The following SLC25A37 variants were observed in gnomAD, a reference collection of about 807,000 sequenced individuals.
SLC25A37 encodes the protein mitoferrin-1.
A neutral mutation model predicts 31.0 loss-of-function variants in SLC25A37; 17 were observed. The ratio of observed to expected loss-of-function variants is 0.55; its 90% CI spans 0.38 to 0.82. The LOEUF is 0.82. Among genes scored for constraint, SLC25A37 ranks in the 40% least tolerant of loss-of-function variants. SLC25A37 has a pLI of 0.00. For missense variants in SLC25A37, 404 were observed against 465.8 expected (o/e 0.87, Z 1.22); for synonymous variants, 222 against 193.0 (o/e 1.15, Z -1.24).
intron 1 of SLC25A37, among the ~76,000 whole-genome samples, chr8:23,562,761 A>G (rs1296745388): frequency 6.6e-6 from 1 of 152,144 alleles, no homozygotes; most frequent in African/African-American, 2.4e-5. Context: ...GGAAACTCAA[A>G]CTTAGAAAGT....
At chr8:23,552,505 T>G (rs757558418) in intron 1 of SLC25A37, among the ~76,000 whole-genome samples, 1 of 152,190 alleles carries the variant, frequency 6.6e-6, no homozygotes, top group African/African-American at 2.4e-5. Context: ...GTTGAGTGAC[T>G]GGATGAGCTT....
chr8:23,541,510 T>G (rs1323117207), intron 1 of SLC25A37: 2 of 152,270 alleles, frequency 1.3e-5, no homozygotes, highest in Non-Finnish European at 2.9e-5. Flanking sequence ...ACAAGTGCCT[T>G]TGTCTCAGGG....
chr8:23,571,360 C>T lies in SLC25A37; in HGVS notation c.522C>T (p.Tyr174=), dbSNP rs370830249. The change falls in exon 4 of 4, where the codon TAC becomes TAT. Residue 174 remains tyrosine, a synonymous_variant. Coordinates refer to ENST00000519973, the MANE Select transcript of SLC25A37 (RefSeq NM_016612.4). ...AEVVKQRLQM[Y]NSQHRSAISC... ...TGGTGAAGCAGCGCTTGCAGATGTA[C>T]AACTCGCAGCACCGGTCAGCAATCA... The T allele has an allele frequency of 6.2e-6, 10 of 1,600,606 alleles. No individual in the cohort carries two copies. Among genetic ancestry groups the T allele is most frequent in the Non-Finnish European group, 7.7e-6 (9 of 1,173,172 alleles).
intron 1 of SLC25A37, among the ~76,000 whole-genome samples, chr8:23,546,516 TATATATATATA>T (rs1166391997): frequency 7.9e-5 from 6 of 76,078 alleles, no homozygotes; most frequent in Non-Finnish European, 1.1e-4. Flanking sequence ...TATATAGGTA[TATATATATATA>T]GGTGTATATA....
intron 1 of SLC25A37, among the ~76,000 whole-genome samples, chr8:23,556,480 C>T (rs1246705305): frequency 6.6e-6 from 1 of 151,998 alleles, no homozygotes; most frequent in East Asian, 1.9e-4. Context: ...CCTGCCTTGG[C>T]CTTCCAAAGT....
Position 23,571,639 on chromosome 8 carries a change from C to A in SLC25A37, c.801C>A (p.Asn267Lys), listed in dbSNP as rs375896705. Residue 267 changes from asparagine to lysine, a missense_variant, in exon 4 of 4, where the codon AAC (asparagine) becomes AAA (lysine). Asn to Lys is a moderately conservative substitution (Grantham distance 94, BLOSUM62 0). Around this residue, in one of 3 missense-constraint regions of SLC25A37, gnomAD observed 243 missense variants for 284.4 expected, o/e 0.85. Coordinates refer to ENST00000519973, the MANE Select transcript of SLC25A37 (RefSeq NM_016612.4). Reference sequence around the variant, plus strand: ...AGACCCTTCTGAACACTCAGGAGAACGTGGCCCTCTCGCTGGCCAACATCA... The same window carrying A: ...AGACCCTTCTGAACACTCAGGAGAAAGTGGCCCTCTCGCTGGCCAACATCA... ...VCKTLLNTQE[N>K]VALSLANISG... 5.3e-5 allele frequency: 86 copies of A among 1,613,910 alleles called. No individual in the cohort carries two copies. In the African/African-American group the frequency reaches 1.1e-3, roughly 20 times the overall value.
intron 1 of SLC25A37, among the ~76,000 whole-genome samples, chr8:23,538,058 GA>G (rs34577086): frequency 0.26 from 37,659 of 146,888 alleles, 5,168 homozygotes; most frequent in East Asian, 0.51. Flanking sequence ...TAAAAAAGAT[GA>G]AAAAAAAAAA....
intron 1 of SLC25A37, among the ~76,000 whole-genome samples, chr8:23,564,473 GGGGGAGGGAGGGAGTC>G (rs1169369055): frequency 2.0e-5 from 3 of 150,898 alleles, no homozygotes; most frequent in South Asian, 2.1e-4. Context: ...GGGGGGGAGT[GGGGGAGGGAGGGAGTC>G]GGGGAGGGAG....
At chr8:23,556,808 TGCGAC>T (rs1315380895) in intron 1 of SLC25A37, among the ~76,000 whole-genome samples, 1 of 152,146 alleles carries the variant, frequency 6.6e-6, no homozygotes, top group Non-Finnish European at 1.5e-5. Context: ...TGCTCTTGCC[TGCGAC>T]GTGTGGGAAT....
At chr8:23,546,565 TATATATATATATATATA>T (rs1802062317) in intron 1 of SLC25A37, among the ~76,000 whole-genome samples, 1 of 97,406 alleles carries the variant, frequency 1.0e-5, no homozygotes, top group Non-Finnish European at 1.7e-5. Context: ...TGTATATATA[TATATATATATATATATA>T]GTGTATATAT....
intron 1 of SLC25A37, among the ~76,000 whole-genome samples, chr8:23,542,098 G>T (rs112385076): frequency 6.6e-6 from 1 of 152,124 alleles, no homozygotes; most frequent in African/African-American, 2.4e-5. Flanking sequence ...ACCACATAAC[G>T]ATGTTTCGGT....
intron 1 of SLC25A37, chr8:23,541,348 G>T (rs1801889183): frequency 6.6e-6 from 1 of 152,322 alleles, no homozygotes; most frequent in South Asian, 2.1e-4. Context: ...GTCTGGGGAC[G>T]CTGTGAGGAG....
intron 1 of SLC25A37, among the ~76,000 whole-genome samples, chr8:23,551,588 A>G (rs546793565): frequency 6.6e-6 from 1 of 152,162 alleles, no homozygotes; most frequent in African/African-American, 2.4e-5. Context: ...AAAGGAAAAA[A>G]AAAAAAGCAG....
chr8:23,551,820 T>A (rs1797497792), intron 1 of SLC25A37, among the ~76,000 whole-genome samples: 1 of 152,118 alleles, frequency 6.6e-6, no homozygotes, highest in Admixed American at 6.5e-5. Flanking sequence ...CCTTCCAGCT[T>A]TGAGGTCCTG....
intron 1 of SLC25A37, among the ~76,000 whole-genome samples, chr8:23,541,129 C>G (rs927189369): frequency 3.3e-5 from 5 of 151,998 alleles, no homozygotes; most frequent in African/African-American, 7.3e-5. Flanking sequence ...TGAGGAAGAG[C>G]CAGTGCTGCT....
At chr8:23,566,813 G>A in intron 2 of SLC25A37, 1 of 986,278 alleles carries the variant, frequency 1.0e-6, no homozygotes, top group Non-Finnish European at 1.2e-6. Flanking sequence ...AGCTTTAAAA[G>A]GTCAAGAAGT....
At chr8:23,553,343 C>G (rs1228713416) in intron 1 of SLC25A37, among the ~76,000 whole-genome samples, 2 of 152,102 alleles carry the variant, frequency 1.3e-5, no homozygotes, top group East Asian at 3.9e-4. Flanking sequence ...ATGGCTTGAA[C>G]CCGGGGGCTG....
chr8:23,570,102 G>A (rs1802780258), intron 3 of SLC25A37, among the ~76,000 whole-genome samples: 1 of 152,122 alleles, frequency 6.6e-6, no homozygotes. Flanking sequence ...GGGAGTCTCT[G>A]TGGTCTGGGT....
Position 23,546,602 on chromosome 8 carries a change from ATG to A in SLC25A37, c.210+17408_210+17409del, listed in dbSNP as rs60598421. Among the ~76,000 whole-genome samples the A allele has an allele frequency of 2.7e-3, 154 of 57,910 alleles. 8 individuals carry two copies. The East Asian group carries it at 0.042, about 16-fold the overall frequency. 38.0% of individuals were successfully genotyped at this position (57,910 alleles called of 152,430 possible). A position where few individuals can be genotyped will look rare whatever the true frequency, so the allele number is the denominator to read the frequency against. ...TATATAGTGTATATATATATAGTGT[ATG>A]TGTGTGTGTGTGTGTGTATATATAT... On this transcript the variant is annotated intron_variant, in intron 1 of 3. Transcript: ENST00000519973.
Sources: gnomAD v4.1 joint callset for allele counts (sites outside exome capture counted in the v4.1 genomes callset) on GRCh38, gnomAD v4.1.1 for gene constraint, gnomAD v4.1.1 regional missense constraint, MANE v1.5 for transcripts, NCBI Gene and HGNC (gene_info 2026-07-23, HGNC 2026-07-21) for gene names.